The following MYRFL variants were observed in gnomAD, a reference collection of about 807,000 sequenced individuals.
The protein encoded by MYRFL is myelin regulatory factor like.
In MYRFL, 88 loss-of-function variants were observed where a neutral mutation model predicts 109.4. That is an observed-to-expected ratio of 0.80 (90% CI 0.68 to 0.96). The LOEUF (loss-of-function observed/expected upper bound fraction) is 0.96, where lower values mean the gene tolerates loss of function less well. Among genes scored for constraint, MYRFL ranks in the 40% least tolerant of loss-of-function variants. The pLI is 0.00. For missense variants in MYRFL, 957 were observed against 954.9 expected, an observed-to-expected ratio of 1.00 and a Z score of -0.03; for synonymous variants, 324 against 320.9, an observed-to-expected ratio of 1.01 and a Z score of -0.10.
intron 2 of MYRFL, among the ~76,000 whole-genome samples, chr12:69,866,666 T>C (rs965388757): frequency 1.3e-5 from 2 of 152,164 alleles, no homozygotes; most frequent in African/African-American, 4.8e-5. Flanking sequence ...CAACCCTTTA[T>C]CTCAAAAACC....
At chr12:69,913,572 G>A (rs1267443271) in intron 13 of MYRFL, among the ~76,000 whole-genome samples, 2 of 152,114 alleles carry the variant, frequency 1.3e-5, no homozygotes. Context: ...CCATTGAATG[G>A]TCTTGGCATC....
intron 19 of MYRFL, among the ~76,000 whole-genome samples, chr12:69,950,731 C>T (rs1314772913): frequency 6.6e-6 from 1 of 152,168 alleles, no homozygotes; most frequent in Non-Finnish European, 1.5e-5. Context: ...AGTCCCTTGT[C>T]ACTGGAGGTG....
chr12:69,932,862 C>CGTGAGTGTGTGT (rs1955311113), intron 16 of MYRFL, among the ~76,000 whole-genome samples: 1 of 149,350 alleles, frequency 6.7e-6, no homozygotes, highest in African/African-American at 2.5e-5. Context: ...CTGTGCCTTT[C>CGTGAGTGTGTGT]GTGTGTGTGT....
chr12:69,859,923 CTTT>C (rs1256735017), intron 2 of MYRFL, among the ~76,000 whole-genome samples: 1 of 151,636 alleles, frequency 6.6e-6, no homozygotes, highest in East Asian at 1.9e-4. Flanking sequence ...CTGCAGCTCT[CTTT>C]TTTTTTCTTT....
At chr12:69,862,483 TC>T (rs1277746520) in intron 2 of MYRFL, among the ~76,000 whole-genome samples, 2 of 150,746 alleles carry the variant, frequency 1.3e-5, no homozygotes, top group African/African-American at 4.8e-5. Flanking sequence ...TAAGTTGGAT[TC>T]CTAGGTATTT....
intron 16 of MYRFL, chr12:69,935,834 T>TGAGA (rs1184373907): frequency 2.3e-6 from 1 of 434,606 alleles, no homozygotes; most frequent in East Asian, 3.8e-5. Context: ...CAGGCACCTC[T>TGAGA]GAGACAGCTT....
rs1956068841 is a variant in MYRFL, at chr12:69,955,343, T to C, written c.2376-20T>C. 1 of 623,954 alleles carries C rather than the reference T, an allele frequency of 1.6e-6. No individual in the cohort carries two copies. Among genetic ancestry groups the C allele is most frequent in the Non-Finnish European group, 2.8e-6 (1 of 353,590 alleles). 38.7% of individuals were successfully genotyped at this position (623,954 alleles called of 1,614,324 possible). A position where few individuals can be genotyped will look rare whatever the true frequency, so the allele number is the denominator to read the frequency against. ...TCCTGCATATTTTGATTTGTGGTTT[T>C]ATTTTCTTTCCATAATTAGATCTGG... On this transcript the variant is annotated intron_variant, in intron 21 of 24. Transcript: ENST00000552032.
At chr12:69,890,594 C>T (rs890111533) in intron 6 of MYRFL, among the ~76,000 whole-genome samples, 40 of 152,116 alleles carry the variant, frequency 2.6e-4, no homozygotes, top group African/African-American at 8.7e-4. Context: ...ATTAGCCGGG[C>T]GTGGTGGTGT....
chr12:69,856,755 CTTT>C (rs947073289), intron 2 of MYRFL, among the ~76,000 whole-genome samples: 1 of 151,786 alleles, frequency 6.6e-6, no homozygotes, highest in African/African-American at 2.4e-5. Flanking sequence ...AGTTTGTTTT[CTTT>C]AAGTTTAGAA....
At chr12:69,917,021 CCT>C in intron 13 of MYRFL, among the ~76,000 whole-genome samples, 1 of 152,244 alleles carries the variant, frequency 6.6e-6, no homozygotes, top group African/African-American at 2.4e-5. Context: ...CCAGCCCCTC[CCT>C]CTCTCTGTTC....
chr12:69,922,843 A>G (rs1360619919), intron 13 of MYRFL, among the ~76,000 whole-genome samples: 1 of 152,200 alleles, frequency 6.6e-6, no homozygotes, highest in African/African-American at 2.4e-5. Flanking sequence ...ATTGAGGATT[A>G]TTGCCTAGAT....
chr12:69,894,983 A>G (rs557729959), intron 8 of MYRFL, among the ~76,000 whole-genome samples: 1 of 152,328 alleles, frequency 6.6e-6, no homozygotes, highest in East Asian at 1.9e-4. Flanking sequence ...GGGGATGCAA[A>G]GGCATTCATG....
intron 11 of MYRFL, among the ~76,000 whole-genome samples, chr12:69,907,678 T>C (rs1954410845): frequency 6.6e-6 from 1 of 152,212 alleles, no homozygotes; most frequent in Non-Finnish European, 1.5e-5. Flanking sequence ...TTATTCCTTC[T>C]TTTTTCCATC....
At chr12:69,830,487 A>C (rs1050272134) in intron 1 of MYRFL, among the ~76,000 whole-genome samples, 5 of 150,832 alleles carry the variant, frequency 3.3e-5, no homozygotes, top group Admixed American at 6.6e-5. Context: ...AGATATCTAT[A>C]TATATATATA....
At chr12:69,914,262 G>A (rs1353763053) in intron 13 of MYRFL, among the ~76,000 whole-genome samples, 1 of 151,814 alleles carries the variant, frequency 6.6e-6, no homozygotes, top group African/African-American at 2.4e-5. Context: ...CCTATTTAGA[G>A]GTCCTTTTTT....
intron 19 of MYRFL, among the ~76,000 whole-genome samples, chr12:69,939,383 C>A (rs1180458233): frequency 2.0e-5 from 3 of 152,102 alleles, no homozygotes; most frequent in African/African-American, 4.8e-5. Flanking sequence ...GGTCCCTGAC[C>A]CCTGACCCCC....
At chr12:69,951,266 C>T (rs1230765236) in intron 19 of MYRFL, among the ~76,000 whole-genome samples, 1 of 152,080 alleles carries the variant, frequency 6.6e-6, no homozygotes, top group Non-Finnish European at 1.5e-5. Context: ...TCTCACAGTT[C>T]TGGTGGCTGG....
rs1555246956 is a variant in MYRFL, at chr12:69,880,951, G to GGTTTTTTTTTTTTTTTTTTTTT, written c.556+659_556+660insGTTTTTTTTTTTTTTTTTTTTT. On this transcript the variant is annotated intron_variant, in intron 5 of 24. Coordinates refer to ENST00000552032, the MANE Select transcript of MYRFL (RefSeq NM_182530.3). ...TAATGTCCAAGCGGTCAGCCTTCCT[G>GGTTTTTTTTTTTTTTTTTTTTT]TTTTTTTTTTTTTTTTTTGTCTTAT... is the stretch of plus-strand genomic sequence containing the variant. 8.0e-5 allele frequency among the ~76,000 whole-genome samples: 9 copies of GGTTTTTTTTTTTTTTTTTTTTT among 112,626 alleles called. 1 individual carries two copies. The highest frequency in any genetic ancestry group is 7.2e-5 in the Non-Finnish European group (4 of 55,772). 73.9% of individuals were successfully genotyped at this position (112,626 alleles called of 152,430 possible).
At chr12:69,867,151 GC>G (rs1299980358) in intron 2 of MYRFL, among the ~76,000 whole-genome samples, 1 of 152,194 alleles carries the variant, frequency 6.6e-6, no homozygotes, top group African/African-American at 2.4e-5. Flanking sequence ...GGAGGAGCAG[GC>G]TGAGGTCCTC....
Sources: allele counts gnomAD v4.1 joint callset (sites outside exome capture counted in the v4.1 genomes callset), GRCh38; gene constraint gnomAD v4.1.1; transcripts MANE v1.5; gene names NCBI Gene and HGNC (gene_info 2026-07-23, HGNC 2026-07-21).